The following GK variants were observed in gnomAD, a reference collection of about 807,000 sequenced individuals.
The protein encoded by GK is glycerol kinase, also known as ATP:glycerol 3-phosphotransferase.
GK carries 9 observed loss-of-function variants against 56.4 expected under a neutral mutation model. That is an observed-to-expected ratio of 0.16 (90% CI 0.10 to 0.28). GK has a LOEUF of 0.28. GK is among the 10% of genes least tolerant of loss of function. The pLI is 1.00. For synonymous variants in GK, 104 were observed against 144.1 expected (o/e 0.72, Z 1.99); for missense variants, 161 against 431.4 (o/e 0.37, Z 5.55).
intron 11 of GK, among the ~76,000 whole-genome samples, chrX:30,706,100 A>G (rs1297680112): frequency 8.9e-6 from 1 of 112,050 alleles, no homozygotes; most frequent in African/African-American, 3.2e-5. Context: ...TTGTAAATGT[A>G]TTACCTGTAC....
intron 1 of GK, among the ~76,000 whole-genome samples, chrX:30,663,468 GAC>G (rs1251767985): frequency 9.0e-6 from 1 of 111,379 alleles, no homozygotes; most frequent in Non-Finnish European, 1.9e-5. Context: ...GCTTCCTAGA[GAC>G]ACACCCTAAT....
intron 4 of GK, among the ~76,000 whole-genome samples, chrX:30,684,143 C>T (rs1400862414): frequency 3.6e-5 from 4 of 112,018 alleles, no homozygotes; most frequent in Non-Finnish European, 5.6e-5. Flanking sequence ...AAATGTGAAG[C>T]GGGAGAAGGC....
chrX:30,686,547 T>A (rs1240030362), intron 4 of GK, among the ~76,000 whole-genome samples: 3 of 112,100 alleles, frequency 2.7e-5, no homozygotes, highest in African/African-American at 9.7e-5. Flanking sequence ...GGTTTTTTTT[T>A]ACTTTATTTT....
At chrX:30,724,220 G>C (rs374801474) in intron 19 of GK, 39 bp downstream of exon 19, 2 of 844,506 alleles carry the variant, frequency 2.4e-6, no homozygotes. Flanking sequence ...CATTTTCTTA[G>C]TATATTAAAT....
intron 3 of GK, among the ~76,000 whole-genome samples, chrX:30,670,859 T>G (rs1444541162): frequency 6.5e-5 from 7 of 108,465 alleles, no homozygotes; most frequent in Admixed American, 6.0e-4. Context: ...CGTGGGCACC[T>G]GTAATCCCAG....
chrX:30,717,264 T>C (rs1001605331), intron 13 of GK, among the ~76,000 whole-genome samples: 1 of 111,252 alleles, frequency 9.0e-6, no homozygotes, highest in Admixed American at 9.6e-5. Context: ...AATTTCTTGG[T>C]ATTCCTAATG....
At chrX:30,658,220 T>C (rs996777127) in intron 1 of GK, among the ~76,000 whole-genome samples, 4 of 112,713 alleles carry the variant, frequency 3.5e-5, no homozygotes, top group African/African-American at 1.3e-4. Context: ...GCACCCATTA[T>C]GGGCCAGGGA....
chrX:30,727,262 G>A (rs1937172863), intron 19 of GK, among the ~76,000 whole-genome samples: 1 of 112,549 alleles, frequency 8.9e-6, no homozygotes, highest in South Asian at 3.6e-4. Flanking sequence ...CATGCTATCT[G>A]TATTGTTTGT....
At chrX:30,669,301 G>A (rs1463555310) in intron 3 of GK, among the ~76,000 whole-genome samples, 1 of 107,319 alleles carries the variant, frequency 9.3e-6, no homozygotes, top group African/African-American at 3.4e-5. Context: ...TCCTGCCTCA[G>A]CCTCCCAGGT....
At chrX:30,696,735 C>T (rs781705953) in intron 8 of GK, 52 bp downstream of exon 8, 1 of 885,853 alleles carries the variant, frequency 1.1e-6, no homozygotes, top group African/African-American at 2.0e-5. Context: ...AAAAAACAAA[C>T]AAAAAAAAAC....
chrX:30,712,022 G>A (rs1421619144), intron 13 of GK, among the ~76,000 whole-genome samples: 2 of 112,131 alleles, frequency 1.8e-5, no homozygotes, highest in East Asian at 2.8e-4. Flanking sequence ...TAAAAGAAAA[G>A]AGAGAGAGAG....
chrX:30,665,957 A>G (rs1479897254), intron 2 of GK, among the ~76,000 whole-genome samples: 1 of 112,313 alleles, frequency 8.9e-6, no homozygotes, highest in Non-Finnish European at 1.9e-5. Flanking sequence ...AAGTATTCAC[A>G]TATCTTAACA....
At chrX:30,717,464 A>G (rs1284373417) in intron 13 of GK, among the ~76,000 whole-genome samples, 2 of 110,815 alleles carry the variant, frequency 1.8e-5, no homozygotes, top group African/African-American at 6.6e-5. Context: ...CACCACCCCA[A>G]AAAGAAACCC....
intron 5 of GK, among the ~76,000 whole-genome samples, chrX:30,693,590 C>A (rs764400460): frequency 9.0e-6 from 1 of 110,982 alleles, no homozygotes; most frequent in African/African-American, 3.3e-5. Context: ...GCTCTGTCAT[C>A]CAGGCTGGAG....
rs1396241919 is a variant in GK at position 30,720,695 on chromosome X, C to T, written c.1311C>T (p.Asn437=). 1.2e-5 allele frequency: 15 copies of T among 1,207,455 alleles called. No individual in the cohort carries two copies. The highest frequency in any genetic ancestry group is 1.7e-5 in the Non-Finnish European group (15 of 892,446). The change falls in exon 17 of 21, where the codon AAC becomes AAT. Residue 437 remains asparagine, a synonymous_variant. Transcript: ENST00000427190. Reference sequence around the variant, plus strand: ...AGGTAGATGGAGGAATGACCAGCAACAAAATTCTTATGCAGCTACAAGCAG... The same window carrying T: ...AGGTAGATGGAGGAATGACCAGCAATAAAATTCTTATGCAGCTACAAGCAG... ...HLQVDGGMTS[N]KILMQLQADI...
intron 13 of GK, among the ~76,000 whole-genome samples, chrX:30,712,011 A>G (rs1936346802): frequency 8.9e-6 from 1 of 112,392 alleles, no homozygotes; most frequent in Non-Finnish European, 1.9e-5. Context: ...TATTAAAAAT[A>G]TAAAAGAAAA....
intron 14 of GK, among the ~76,000 whole-genome samples, chrX:30,719,117 A>G (rs918921510): frequency 9.0e-6 from 1 of 111,498 alleles, no homozygotes; most frequent in Non-Finnish European, 1.9e-5. Flanking sequence ...ACTAGAGGCC[A>G]CTTTTTCATC....
At chrX:30,704,638 C>T (rs747322243) in intron 11 of GK, among the ~76,000 whole-genome samples, 1 of 107,057 alleles carries the variant, frequency 9.3e-6, no homozygotes, top group African/African-American at 3.4e-5. Context: ...GTGGCATGAT[C>T]TCAACTCACT....
At chrX:30,663,927 T>G (rs1418160833) in intron 1 of GK, among the ~76,000 whole-genome samples, 1 of 96,869 alleles carries the variant, frequency 1.0e-5, no homozygotes, top group African/African-American at 3.8e-5. Flanking sequence ...AAACTTGCTC[T>G]CTCTCTCTCT....
Sources: gnomAD v4.1 joint callset for allele counts (sites outside exome capture counted in the v4.1 genomes callset) on GRCh38, gnomAD v4.1.1 for gene constraint, MANE v1.5 for transcripts, NCBI Gene and HGNC (gene_info 2026-07-23, HGNC 2026-07-21) for gene names.